GDA: variants seen among roughly 807,000 people sequenced by gnomAD.
GDA encodes the protein guanine deaminase.
A neutral mutation model predicts 59.6 loss-of-function variants in GDA; 18 were observed. The observed-to-expected ratio is 0.30, with a 90% CI of 0.21 to 0.45. GDA has a LOEUF of 0.45. GDA is among the 20% of genes least tolerant of loss of function. The pLI is 1.00. For missense variants in GDA, 427 were observed against 552.3 expected, an observed-to-expected ratio of 0.77 and a Z score of 2.27; for synonymous variants, 201 against 201.1, an observed-to-expected ratio of 1.00 and a Z score of 0.00.
chr9:72,246,016 T>C (rs530940004), intron 12 of GDA, among the ~76,000 whole-genome samples: 18 of 152,328 alleles, frequency 1.2e-4, no homozygotes, highest in Admixed American at 5.9e-4. Context: ...AAAAATTCTG[T>C]ATTATATGAA....
intron 1 of GDA, among the ~76,000 whole-genome samples, chr9:72,175,223 G>A (rs975208478): frequency 2.0e-5 from 3 of 152,190 alleles, no homozygotes; most frequent in Non-Finnish European, 4.4e-5. Flanking sequence ...CTGGAGTGCA[G>A]TGGTATGATC....
intron 6 of GDA, among the ~76,000 whole-genome samples, chr9:72,220,940 G>A (rs1011072853): frequency 2.0e-5 from 3 of 152,172 alleles, no homozygotes; most frequent in African/African-American, 7.2e-5. Flanking sequence ...AGGCTGGCAT[G>A]TGGCTCTGTC....
chr9:72,196,681 C>T (rs141050622), intron 2 of GDA, among the ~76,000 whole-genome samples: 2,539 of 152,100 alleles, frequency 0.017, 60 homozygotes, highest in African/African-American at 0.058. Flanking sequence ...CCTATCAACC[C>T]GTCATCTAGG....
chr9:72,162,871 A>C (rs1334984181), intron 1 of GDA, among the ~76,000 whole-genome samples: 1 of 152,092 alleles, frequency 6.6e-6, no homozygotes, highest in East Asian at 1.9e-4. Flanking sequence ...GCTAGCCAGG[A>C]TGGTCTCGAT....
chr9:72,163,289 A>C (rs1378026195), intron 1 of GDA, among the ~76,000 whole-genome samples: 1 of 152,130 alleles, frequency 6.6e-6, no homozygotes, highest in Non-Finnish European at 1.5e-5. Flanking sequence ...TGAAATGAAA[A>C]CATTTTATTT....
intron 3 of GDA, among the ~76,000 whole-genome samples, chr9:72,205,064 T>G (rs1834508710): frequency 7.6e-6 from 1 of 131,824 alleles, no homozygotes; most frequent in Non-Finnish European, 1.5e-5. Context: ...TGAGCCAAGA[T>G]CAGGCCACTA....
chr9:72,140,838 G>A (rs1826414896), intron 1 of GDA, among the ~76,000 whole-genome samples: 1 of 152,118 alleles, frequency 6.6e-6, no homozygotes, highest in Non-Finnish European at 1.5e-5. Flanking sequence ...AGATCTAAGG[G>A]AAGCAAAGTC....
chr9:72,117,876 A>G (rs1474882341), intron 1 of GDA, among the ~76,000 whole-genome samples: 2 of 152,222 alleles, frequency 1.3e-5, no homozygotes, highest in African/African-American at 4.8e-5. Context: ...ATAAACAGTC[A>G]CTGAGGTCAG....
At position 72,176,372 on chromosome 9, in the gene GDA, T is replaced by A. The variant is rs188731200; in HGVS notation, c.124-19128T>A. On this transcript the variant is annotated intron_variant, in intron 1 of 13. Coordinates refer to ENST00000358399, the MANE Select transcript of GDA (RefSeq NM_004293.5). ...TCACACGGTGTGGTGAATGCTTCAT[T>A]CCAAGCAAGTCACTATGTTTGGCCC... 2.1e-3 allele frequency among the ~76,000 whole-genome samples: 321 copies of A among 152,292 alleles called. 2 individuals are homozygous for A. The highest frequency in any genetic ancestry group is 2.9e-3 in the Non-Finnish European group (198 of 68,020).
chr9:72,223,968 C>A (rs752750552), intron 7 of GDA, among the ~76,000 whole-genome samples: 2 of 152,136 alleles, frequency 1.3e-5, no homozygotes, highest in African/African-American at 4.8e-5. Flanking sequence ...TTTCCCAAAT[C>A]TATTTTCTTA....
Position 72,232,737 on chromosome 9 carries a change from G to A in GDA, c.988+1556G>A, listed in dbSNP as rs1240424843. The stretch of plus-strand genomic sequence containing the variant: ...TTTAGTGATGGTCTATAAAGTTCAA[G>A]TTGAGTTCTAGCTGTCACTTATTAT... On this transcript the variant is annotated intron_variant, in intron 10 of 13. Transcript: ENST00000358399. Among the ~76,000 whole-genome samples, 6 of 152,176 alleles carry A rather than the reference G, an allele frequency of 3.9e-5. No homozygotes were observed. In the East Asian group the frequency reaches 1.2e-3, roughly 29 times the overall value.
intron 1 of GDA, among the ~76,000 whole-genome samples, chr9:72,177,855 C>T (rs988463908): frequency 6.6e-6 from 1 of 152,216 alleles, no homozygotes; most frequent in African/African-American, 2.4e-5. Context: ...TTCATCTTTG[C>T]TAAGTTCCTC....
intron 1 of GDA, among the ~76,000 whole-genome samples, chr9:72,179,428 T>G (rs1384797277): frequency 6.6e-6 from 1 of 152,178 alleles, no homozygotes; most frequent in East Asian, 1.9e-4. Context: ...TCAAAAATGG[T>G]AAATCAGAGA....
At position 72,196,610 on chromosome 9, in the gene GDA, A is replaced by T. The variant is rs1833214541; in HGVS notation, c.212+1022A>T. Among the ~76,000 whole-genome samples, 3 of 152,204 alleles carry T rather than the reference A, an allele frequency of 2.0e-5. No individual in the cohort carries two copies. The South Asian group carries it at 6.2e-4, about 32-fold the overall frequency. ...TTTATTTTACTTTAAGTTCTGGGAT[A>T]CATGTGCAGAACGTGCAGGTTTGTT... On this transcript the variant is annotated intron_variant, in intron 2 of 13. Coordinates refer to ENST00000358399, the MANE Select transcript of GDA (RefSeq NM_004293.5).
chr9:72,177,907 A>T lies in GDA; in HGVS notation c.124-17593A>T, dbSNP rs114693844. 7.3e-3 allele frequency among the ~76,000 whole-genome samples: 1,106 copies of T among 152,320 alleles called. 16 individuals carry two copies. Among genetic ancestry groups the T allele is most frequent in the African/African-American group, 0.025 (1,031 of 41,564 alleles). ...AGTCTCTGACAGTGGCAGTGACCAC[A>T]TTGCTATGGTTAGCTGTATAATTAC... On this transcript the variant is annotated intron_variant, in intron 1 of 13. Transcript: ENST00000358399.
At chr9:72,163,177 G>A (rs1280220303) in intron 1 of GDA, among the ~76,000 whole-genome samples, 2 of 152,154 alleles carry the variant, frequency 1.3e-5, no homozygotes, top group Non-Finnish European at 2.9e-5. Context: ...TGGGTACAGA[G>A]GAAAGGGAAG....
intron 4 of GDA, among the ~76,000 whole-genome samples, chr9:72,213,460 G>A (rs1835642845): frequency 6.6e-6 from 1 of 152,098 alleles, no homozygotes; most frequent in African/African-American, 2.4e-5. Flanking sequence ...TTTCATTTAT[G>A]TTTTCCATAT....
rs1825478687 is a variant in GDA, at chr9:72,117,045, A to G, written c.-100+2212A>G. 2.0e-5 allele frequency among the ~76,000 whole-genome samples: 3 copies of G among 151,014 alleles called. No individual in the cohort carries two copies. In the South Asian group the frequency reaches 6.2e-4, roughly 31 times the overall value. ...TGCAGTGTTTGGTTTTCTGTCCTTG[A>G]GATAGTTTGCTCAGAATGATGGTTT... On this transcript the variant is annotated intron_variant, in intron 1 of 13. Transcript: ENST00000545168.
Position 72,118,833 on chromosome 9 carries a change from C to G in GDA, c.-100+4000C>G, listed in dbSNP as rs1018925102. ...GTGGTCTTTCTGGTTTTCATTTTAA[C>G]ATTGCATGACAAAGGATTGCTTACT... On this transcript the variant is annotated intron_variant, in intron 1 of 13. Transcript: ENST00000545168. Among the ~76,000 whole-genome samples the G allele has an allele frequency of 2.5e-4, 38 of 152,244 alleles. 1 individual carries two copies. The highest frequency in any genetic ancestry group is 2.5e-4 in the Non-Finnish European group (17 of 68,020).
Sources: allele counts gnomAD v4.1 joint callset (sites outside exome capture counted in the v4.1 genomes callset), GRCh38; gene constraint gnomAD v4.1.1; transcripts MANE v1.5; gene names NCBI Gene and HGNC (gene_info 2026-07-23, HGNC 2026-07-21).